NFX1: variants seen among roughly 807,000 people sequenced by gnomAD.
NFX1 encodes transcriptional repressor NF-X1.
A neutral mutation model predicts 137.2 loss-of-function variants in NFX1; 69 were observed. The observed-to-expected ratio is 0.50, with a 90% CI of 0.41 to 0.61. NFX1 has a LOEUF of 0.61. NFX1 is among the 20% of genes least tolerant of loss of function. NFX1 has a pLI of 0.00. For missense variants in NFX1, 1,167 were observed against 1,391.0 expected (o/e 0.84, Z 2.56); for synonymous variants, 495 against 474.1 (o/e 1.04, Z -0.57).
At chr9:33,362,145 A>G (rs1824013313) in intron 19 of NFX1, among the ~76,000 whole-genome samples, 1 of 151,918 alleles carries the variant, frequency 6.6e-6, no homozygotes, top group Non-Finnish European at 1.5e-5. Context: ...AAACAATTAG[A>G]AAAAAGGGAA....
chr9:33,301,261 A>G lies in NFX1; in HGVS notation c.1034-2A>G. The G allele has an allele frequency of 6.2e-7, 1 of 1,609,346 alleles. No individual in the cohort carries two copies. Among genetic ancestry groups the G allele is most frequent in the Non-Finnish European group, 8.5e-7 (1 of 1,178,614 alleles). On this transcript the variant is annotated splice_acceptor_variant, in intron 2 of 23. Transcript: ENST00000379540. LOFTEE classifies it high-confidence loss of function. ...TTTTTTGTTATTTTGTTTTTTAAAC[A>G]GGTTCTCTAATTGAACAACTAACAA... is the stretch of plus-strand genomic sequence containing the variant.
intron 9 of NFX1, among the ~76,000 whole-genome samples, chr9:33,325,679 A>G (rs1216699266): frequency 6.6e-6 from 1 of 152,140 alleles, no homozygotes; most frequent in African/African-American, 2.4e-5. Flanking sequence ...AAGAAAAAGA[A>G]AAAAAGAAAA....
intron 7 of NFX1, among the ~76,000 whole-genome samples, chr9:33,316,109 T>C (rs1822153855): frequency 6.6e-6 from 1 of 152,192 alleles, no homozygotes; most frequent in African/African-American, 2.4e-5. Flanking sequence ...TCACCTATTG[T>C]GAATCCTGAC....
intron 11 of NFX1, 76 bp from the exon 12 acceptor site, chr9:33,338,434 G>C (rs1823093857): frequency 2.5e-6 from 3 of 1,214,960 alleles, no homozygotes; most frequent in African/African-American, 3.0e-5. Context: ...TGAGCCTATA[G>C]TTACTCAAAT....
At chr9:33,354,952 G>A in intron 19 of NFX1, 60 bp downstream of exon 19, 1 of 1,542,098 alleles carries the variant, frequency 6.5e-7, no homozygotes, top group Non-Finnish European at 8.9e-7. Flanking sequence ...AAATTAATGG[G>A]AGGGAGCAAC....
At chr9:33,354,222 T>C (rs772349633) in intron 18 of NFX1, 35 bp downstream of exon 18, 3 of 1,522,936 alleles carry the variant, frequency 2.0e-6, no homozygotes, top group Non-Finnish European at 2.7e-6. Context: ...GCCTTCTTTC[T>C]TCAATTAGAC....
At chr9:33,367,172 G>C (rs1824193411) in intron 22 of NFX1, among the ~76,000 whole-genome samples, 1 of 152,192 alleles carries the variant, frequency 6.6e-6, no homozygotes, top group African/African-American at 2.4e-5. Context: ...TCTGGTTCGA[G>C]GCATCCCCTG....
intron 1 of NFX1, among the ~76,000 whole-genome samples, chr9:33,290,819 G>A (rs755720948): frequency 6.6e-6 from 1 of 152,218 alleles, no homozygotes; most frequent in Non-Finnish European, 1.5e-5. Context: ...GAGGAGAGAG[G>A]ACTTGTCCCG....
At chr9:33,358,327 T>C (rs998036630) in intron 19 of NFX1, among the ~76,000 whole-genome samples, 8 of 152,144 alleles carry the variant, frequency 5.3e-5, no homozygotes, top group Non-Finnish European at 1.2e-4. Flanking sequence ...TGTTTCACCA[T>C]GTTAGCCAGG....
intron 21 of NFX1, chr9:33,365,157 C>T (rs144790423): frequency 4.7e-6 from 1 of 211,814 alleles, no homozygotes; most frequent in Non-Finnish European, 8.6e-6. Context: ...ACCTGTTATT[C>T]CAGCTACTTG....
intron 7 of NFX1, among the ~76,000 whole-genome samples, chr9:33,317,463 C>T (rs1587835206): frequency 6.8e-6 from 1 of 146,324 alleles, no homozygotes; most frequent in East Asian, 2.0e-4. Flanking sequence ...AGAAATTGCA[C>T]ATGCACTTAC....
intron 19 of NFX1, among the ~76,000 whole-genome samples, chr9:33,360,759 A>G (rs747412323): frequency 6.6e-6 from 1 of 152,230 alleles, no homozygotes; most frequent in African/African-American, 2.4e-5. Flanking sequence ...TTAGTGGCCA[A>G]CTAACCAAAA....
intron 19 of NFX1, among the ~76,000 whole-genome samples, chr9:33,358,201 T>C (rs765690645): frequency 6.0e-5 from 9 of 151,074 alleles, no homozygotes; most frequent in Non-Finnish European, 1.3e-4. Context: ...CTCGGCTCAC[T>C]GCAAGCTCCA....
intron 9 of NFX1, among the ~76,000 whole-genome samples, chr9:33,327,699 G>A (rs1044078688): frequency 6.6e-6 from 1 of 152,214 alleles, no homozygotes. Flanking sequence ...GATACAATGA[G>A]GCTGAAAGTT....
At position 33,338,520 on chromosome 9, in the gene NFX1, T is replaced by A; in HGVS notation, c.2046T>A (p.Phe682Leu). 6.2e-7 allele frequency: 1 copy of A among 1,608,284 alleles called. No individual in the cohort carries two copies. The highest frequency in any genetic ancestry group is 8.5e-7 in the Non-Finnish European group (1 of 1,178,480). The change falls in exon 12 of 24, where the codon TTT (phenylalanine) becomes TTA (leucine). Residue 682 changes from phenylalanine to leucine, a missense_variant. By Grantham distance (22) the Phe-to-Leu change is conservative. Transcript: ENST00000379540. ...AATTTGCCACAGCAGATGCTACATTTATGTGTGACAAGCGGTGTAACAAGA... is the reference window on the plus strand; with the variant it reads ...AATTTGCCACAGCAGATGCTACATTAATGTGTGACAAGCGGTGTAACAAGA... ...CTSLKSEDAT[F>L]MCDKRCNKKR...
intron 5 of NFX1, among the ~76,000 whole-genome samples, chr9:33,307,939 G>T (rs1587826164): frequency 1.3e-5 from 2 of 151,916 alleles, no homozygotes; most frequent in East Asian, 1.9e-4. Context: ...GAGTAGCTGG[G>T]ACTACAGGCG....
chr9:33,294,546 C>T lies in NFX1; in HGVS notation c.152C>T (p.Pro51Leu), dbSNP rs150330215. Residue 51 changes from proline to leucine, a missense_variant, in exon 2 of 24, where the codon CCA (proline) becomes CTA (leucine). Pro to Leu is a moderately conservative substitution (Grantham distance 98, BLOSUM62 -3). This residue lies in a region of NFX1 where 367 missense variants were observed against 386.7 expected (regional missense o/e 0.95). Transcript: ENST00000379540. ...NRIGRRNYSS[P>L]PPCHLSRQVP... Reference sequence around the variant, plus strand: ...ATTGGTAGAAGAAATTACAGTTCACCACCTCCCTGTCACCTTTCCAGGCAG... The same window carrying T: ...ATTGGTAGAAGAAATTACAGTTCACTACCTCCCTGTCACCTTTCCAGGCAG... 38 of 1,614,028 alleles carry T rather than the reference C, an allele frequency of 2.4e-5. No individual in the cohort carries two copies. Among genetic ancestry groups the T allele is most frequent in the Non-Finnish European group, 3.0e-5 (35 of 1,180,030 alleles).
At position 33,364,770 on chromosome 9, in the gene NFX1, A is replaced by G. The variant is rs1824121649; in HGVS notation, c.3035A>G (p.Asn1012Ser). ...KEMETLVEAV[N>S]KGKNSKKSHS... ...ATGGAAACCCTCGTGGAGGCCGTGA[A>G]TAAGGTTGAAGTCGAAACATCCCAC... is the stretch of plus-strand genomic sequence containing the variant. The change falls in exon 21 of 24, where the codon AAT becomes AGT. Residue 1012 changes from asparagine (N) to serine (S), a missense_variant. Asn to Ser is a conservative substitution (Grantham distance 46). This residue lies in a region of NFX1 where 312 missense variants were observed against 312.8 expected (regional missense o/e 1.00). Coordinates refer to ENST00000379540, the MANE Select transcript of NFX1 (RefSeq NM_002504.6). 6.2e-7 allele frequency: 1 copy of G among 1,613,828 alleles called. No homozygotes were observed. The highest frequency in any genetic ancestry group is 8.5e-7 in the Non-Finnish European group (1 of 1,179,940).
At chr9:33,349,535 A>G (rs1331832617) in intron 15 of NFX1, among the ~76,000 whole-genome samples, 2 of 152,154 alleles carry the variant, frequency 1.3e-5, no homozygotes, top group Non-Finnish European at 2.9e-5. Flanking sequence ...AAGTCTCTTC[A>G]GGGGGAGAAG....
Sources: allele counts gnomAD v4.1 joint callset (sites outside exome capture counted in the v4.1 genomes callset), GRCh38; gene constraint gnomAD v4.1.1; regional missense constraint gnomAD v4.1.1; transcripts MANE v1.5; gene names NCBI Gene and HGNC (gene_info 2026-07-23, HGNC 2026-07-21).